The following RC3H1 variants were observed in gnomAD, a reference collection of about 807,000 sequenced individuals.
The protein encoded by RC3H1 is ring finger and CCCH-type domains 1, also known as roquin-1.
In RC3H1, 50 loss-of-function variants were observed where a neutral mutation model predicts 138.2. That is an observed-to-expected ratio of 0.36 (90% CI 0.29 to 0.46). The LOEUF (loss-of-function observed/expected upper bound fraction) is 0.46, where lower values mean the gene tolerates loss of function less well. Among genes scored for constraint, RC3H1 ranks in the 20% least tolerant of loss-of-function variants. The probability of loss-of-function intolerance (pLI) is 1.00; values close to 1 mark genes in which losing one functional copy is unlikely to be tolerated. For synonymous variants in RC3H1, 462 were observed against 489.1 expected, an observed-to-expected ratio of 0.94 and a Z score of 0.73; for missense variants, 1,031 against 1,388.1, an observed-to-expected ratio of 0.74 and a Z score of 4.09.
intron 13 of RC3H1, 88 bp from the exon 14 acceptor site, chr1:173,952,226 AAGC>A: frequency 1.1e-6 from 1 of 921,142 alleles, no homozygotes; most frequent in Non-Finnish European, 1.5e-6. Flanking sequence ...AAGACAGAGA[AAGC>A]AGGGAATTTC....
At chr1:173,959,564 A>C (rs1376738810) in intron 13 of RC3H1, among the ~76,000 whole-genome samples, 1 of 152,078 alleles carries the variant, frequency 6.6e-6, no homozygotes, top group East Asian at 1.9e-4. Context: ...TGAGGTCAAG[A>C]GATCAAGACC....
chr1:174,008,380 T>G (rs1054957911), intron 1 of RC3H1, among the ~76,000 whole-genome samples: 1 of 152,038 alleles, frequency 6.6e-6, no homozygotes, highest in African/African-American at 2.4e-5. Flanking sequence ...TGCAGATACT[T>G]GAAAAACAGT....
Position 173,992,756 on chromosome 1 carries a change from T to C in RC3H1, c.230A>G (p.Gln77Arg), listed in dbSNP as rs774695389. 2.9e-5 allele frequency: 47 copies of C among 1,610,936 alleles called. No individual in the cohort carries two copies. The highest frequency in any genetic ancestry group is 3.7e-5 in the Non-Finnish European group (44 of 1,177,548). The change falls in exon 2 of 20, where the codon CAG becomes CGG. Residue 77 changes from glutamine (Q) to arginine (R), a missense_variant and splice_region_variant. Coordinates refer to ENST00000367696, the MANE Select transcript of RC3H1 (RefSeq NM_172071.4). ...NSALLQLVGA[Q>R]VPEQQPITLC... Reference sequence around the variant, plus strand: ...AAAGTATTAAGTCACCCATCCTACCTGAGCACCCACGAGCTGCAGCAATGC... The same window carrying C: ...AAAGTATTAAGTCACCCATCCTACCCGAGCACCCACGAGCTGCAGCAATGC...
At chr1:174,006,504 T>G (rs1041810737) in intron 1 of RC3H1, among the ~76,000 whole-genome samples, 5 of 152,204 alleles carry the variant, frequency 3.3e-5, no homozygotes, top group Admixed American at 6.5e-5. Context: ...TAGTCATAAT[T>G]TGAACCCACA....
At chr1:173,998,649 AT>A (rs1364179314) in intron 1 of RC3H1, among the ~76,000 whole-genome samples, 5 of 152,216 alleles carry the variant, frequency 3.3e-5, no homozygotes, top group African/African-American at 1.2e-4. Flanking sequence ...CACATCTGAC[AT>A]TTCACTATTA....
intron 1 of RC3H1, among the ~76,000 whole-genome samples, chr1:173,997,789 AG>A (rs1661490439): frequency 6.6e-6 from 1 of 152,204 alleles, no homozygotes; most frequent in Non-Finnish European, 1.5e-5. Context: ...GATTAATAAC[AG>A]AAAGTCACTC....
intron 5 of RC3H1, 51 bp from the exon 6 acceptor site, chr1:173,981,060 C>A: frequency 6.8e-7 from 1 of 1,476,992 alleles, no homozygotes; most frequent in Non-Finnish European, 9.3e-7. Flanking sequence ...TGAGTTTATG[C>A]TTTATATGAA....
intron 6 of RC3H1, 60 bp from the exon 7 acceptor site, chr1:173,978,680 T>C (rs996710030): frequency 6.7e-7 from 1 of 1,486,154 alleles, no homozygotes; most frequent in Admixed American, 2.2e-5. Context: ...ATATAAAGAT[T>C]ATTTATATCA....
chr1:174,021,542 G>A (rs1463370048), intron 1 of RC3H1, among the ~76,000 whole-genome samples: 3 of 151,890 alleles, frequency 2.0e-5, no homozygotes, highest in African/African-American at 7.3e-5. Context: ...ATCGCCAGCA[G>A]GGAGAAGACT....
chr1:173,994,838 C>A (rs555506382), intron 1 of RC3H1, among the ~76,000 whole-genome samples: 1 of 150,712 alleles, frequency 6.6e-6, no homozygotes, highest in Non-Finnish European at 1.5e-5. Flanking sequence ...TTATTCCATT[C>A]CCAGGAAAAA....
chr1:173,985,603 TAAC>T (rs946589148), intron 2 of RC3H1, among the ~76,000 whole-genome samples: 10 of 151,504 alleles, frequency 6.6e-5, no homozygotes, highest in African/African-American at 2.4e-4. Flanking sequence ...TCAGGTTAAT[TAAC>T]AAATCCATCA....
chr1:173,947,213 T>C (rs1659173026), intron 15 of RC3H1, among the ~76,000 whole-genome samples, 156 bp downstream of exon 15: 1 of 152,196 alleles, frequency 6.6e-6, no homozygotes, highest in East Asian at 1.9e-4. Context: ...ATTCTCTGGG[T>C]TATATTACCT....
intron 1 of RC3H1, among the ~76,000 whole-genome samples, chr1:174,013,749 A>C (rs1303043341): frequency 6.6e-6 from 1 of 152,006 alleles, no homozygotes; most frequent in Admixed American, 6.6e-5. Flanking sequence ...GAATATTATT[A>C]AGCAGTAAAA....
chr1:173,992,651 C>T, intron 2 of RC3H1, 104 bp downstream of exon 2: 1 of 853,034 alleles, frequency 1.2e-6, no homozygotes, highest in Non-Finnish European at 1.8e-6. Context: ...AGGTTTCTCT[C>T]AGGAGAAAAA....
At chr1:173,970,478 C>G in intron 9 of RC3H1, 27 bp downstream of exon 9, 2 of 1,469,116 alleles carry the variant, frequency 1.4e-6, no homozygotes, top group Non-Finnish European at 1.9e-6. Context: ...ACACCTTATT[C>G]CAAAGTCTCC....
At chr1:173,999,094 T>TA (rs58202123) in intron 1 of RC3H1, among the ~76,000 whole-genome samples, 15,947 of 144,994 alleles carry the variant, frequency 0.11, 949 homozygotes, top group East Asian at 0.33. Flanking sequence ...ACCCCATCTC[T>TA]AAAAAAAAAA....
At chr1:173,965,258 T>G in intron 9 of RC3H1, 138 bp from the exon 10 acceptor site, 1 of 823,742 alleles carries the variant, frequency 1.2e-6, no homozygotes, top group Non-Finnish European at 1.8e-6. Context: ...TTGCATAAAA[T>G]CTCTAGCAGC....
rs141084602 is a variant in RC3H1 at position 174,011,412 on chromosome 1, T to G, written c.-151+10684A>C. 2.9e-3 allele frequency among the ~76,000 whole-genome samples: 439 copies of G among 151,942 alleles called. 3 individuals carry two copies. Among genetic ancestry groups the G allele is most frequent in the African/African-American group, 0.01 (422 of 41,480 alleles). On this transcript the variant is annotated intron_variant, in intron 1 of 19. Transcript: ENST00000367696. Reference sequence around the variant, plus strand: ...AAACTGCTATCAATGGGGTAATTAATGTAAAAATTGACATATAAAATATGG... The same window carrying G: ...AAACTGCTATCAATGGGGTAATTAAGGTAAAAATTGACATATAAAATATGG...
At chr1:174,003,939 G>A (rs1209369246) in intron 1 of RC3H1, among the ~76,000 whole-genome samples, 1 of 151,478 alleles carries the variant, frequency 6.6e-6, no homozygotes, top group Non-Finnish European at 1.5e-5. Flanking sequence ...GAGATTACAG[G>A]CATAAGCCAC....
Sources: allele counts gnomAD v4.1 joint callset (sites outside exome capture counted in the v4.1 genomes callset), GRCh38; gene constraint gnomAD v4.1.1; transcripts MANE v1.5; gene names NCBI Gene and HGNC (gene_info 2026-07-23, HGNC 2026-07-21).